INPP4B: variants seen among roughly 807,000 people sequenced by gnomAD.
The protein encoded by INPP4B is inositol polyphosphate 4-phosphatase type II.
In INPP4B, 55 loss-of-function variants were observed where a neutral mutation model predicts 122.5. The ratio of observed to expected loss-of-function variants is 0.45; its 90% CI spans 0.36 to 0.56. The LOEUF is 0.56. Among genes scored for constraint, INPP4B ranks in the 20% least tolerant of loss-of-function variants. INPP4B has a pLI of 0.00. For missense variants in INPP4B, 1,000 were observed against 1,097.7 expected (o/e 0.91, Z 1.26); for synonymous variants, 403 against 388.7 (o/e 1.04, Z -0.43).
chr4:142,734,050 G>C (rs1158914103), intron 1 of INPP4B, among the ~76,000 whole-genome samples: 1 of 152,138 alleles, frequency 6.6e-6, no homozygotes, highest in Non-Finnish European at 1.5e-5. Flanking sequence ...CAATTCATAT[G>C]GCAAAGCTCT....
chr4:142,318,861 C>T (rs534972488), intron 7 of INPP4B, among the ~76,000 whole-genome samples: 4 of 152,214 alleles, frequency 2.6e-5, no homozygotes, highest in Admixed American at 2.6e-4. Flanking sequence ...CTTCACAAAT[C>T]TTAATTGTTC....
intron 25 of INPP4B, among the ~76,000 whole-genome samples, chr4:142,044,523 G>A (rs1397190274): frequency 2.6e-5 from 4 of 152,048 alleles, no homozygotes; most frequent in African/African-American, 7.3e-5. Flanking sequence ...TAGGAACAGG[G>A]ATTAGGTTAC....
chr4:142,608,742 G>A (rs1741853550), intron 2 of INPP4B, among the ~76,000 whole-genome samples: 1 of 152,148 alleles, frequency 6.6e-6, no homozygotes, highest in Admixed American at 6.6e-5. Flanking sequence ...AATCTCAACA[G>A]AGTCTGCTGC....
At chr4:142,332,530 A>C (rs1774929316) in intron 7 of INPP4B, among the ~76,000 whole-genome samples, 1 of 152,098 alleles carries the variant, frequency 6.6e-6, no homozygotes, top group Non-Finnish European at 1.5e-5. Context: ...GTTAAAAAAA[A>C]AGTTGCTTAA....
intron 1 of INPP4B, among the ~76,000 whole-genome samples, chr4:142,830,386 T>C (rs1191952571): frequency 2.0e-4 from 31 of 152,084 alleles, no homozygotes. Context: ...GCAATTTCAT[T>C]GGAGTTGTGG....
In INPP4B at chr4:142,025,252, C is replaced by G. The variant is rs1736669336; in HGVS notation, c.*3530G>C. The G allele has an allele frequency of 6.6e-6, 1 of 152,092 alleles. No homozygotes were observed. The highest frequency in any genetic ancestry group is 2.4e-5 in the African/African-American group (1 of 41,414). 9.4% of individuals were successfully genotyped at this position (152,092 alleles called of 1,614,324 possible). A position where few individuals can be genotyped will look rare whatever the true frequency, so the allele number is the denominator to read the frequency against. On this transcript the variant is annotated 3_prime_UTR_variant, in exon 26 of 26. Transcript: ENST00000262992. ...AACACCATGTTACTGAATCTGCAGT[C>G]AGGAAGAGACCCACAGTAGCACAAT...
intron 7 of INPP4B, among the ~76,000 whole-genome samples, chr4:142,325,902 C>T (rs899961790): frequency 1.7e-4 from 26 of 151,904 alleles, no homozygotes; most frequent in Non-Finnish European, 2.8e-4. Flanking sequence ...CTTCCCTTTC[C>T]GACTATTATA....
intron 2 of INPP4B, among the ~76,000 whole-genome samples, chr4:142,555,904 T>C (rs1167825688): frequency 6.6e-6 from 1 of 151,894 alleles, no homozygotes; most frequent in East Asian, 1.9e-4. Context: ...AGCATTTCTA[T>C]GTTTCTGTCT....
chr4:142,110,691 T>A (rs944479193), intron 22 of INPP4B, among the ~76,000 whole-genome samples: 2 of 152,118 alleles, frequency 1.3e-5, no homozygotes, highest in African/African-American at 2.4e-5. Flanking sequence ...TCCAGTCTTG[T>A]GTGTCTTGTA....
chr4:142,248,339 T>TC (rs1474757806), intron 11 of INPP4B, among the ~76,000 whole-genome samples: 3 of 145,562 alleles, frequency 2.1e-5, no homozygotes, highest in Non-Finnish European at 4.5e-5. Flanking sequence ...TCTCTCTCTT[T>TC]TTTTTTTTTT....
rs1446554187 is a variant in INPP4B, at chr4:142,845,908, G to A, written c.-254+301C>T. On this transcript the variant is annotated intron_variant, in intron 1 of 25. Coordinates refer to ENST00000262992, the MANE Select transcript of INPP4B (RefSeq NM_001101669.3). ...GCCCGGAGAGTGTGCGTGTGTGAGT[G>A]AGAATGCGAAAACGCGCGCGCGCCG... 5.9e-5 allele frequency among the ~76,000 whole-genome samples: 9 copies of A among 152,236 alleles called. No individual in the cohort carries two copies. In the East Asian group the frequency reaches 1.8e-3, roughly 30 times the overall value.
intron 2 of INPP4B, among the ~76,000 whole-genome samples, chr4:142,546,890 A>G (rs968303754): frequency 1.3e-5 from 2 of 152,192 alleles, no homozygotes; most frequent in Non-Finnish European, 2.9e-5. Context: ...GAAACTACAG[A>G]TAAACATAAA....
chr4:142,499,927 C>T (rs1414993313), intron 2 of INPP4B, among the ~76,000 whole-genome samples: 1 of 152,144 alleles, frequency 6.6e-6, no homozygotes, highest in Non-Finnish European at 1.5e-5. Flanking sequence ...CTCCGTAATA[C>T]AACCGTCGCT....
intron 11 of INPP4B, among the ~76,000 whole-genome samples, chr4:142,248,923 GGTT>G (rs1730532088): frequency 2.0e-5 from 3 of 151,770 alleles, no homozygotes; most frequent in Admixed American, 2.0e-4. Context: ...AGTGCCCAGA[GGTT>G]GTTAACATAA....
chr4:142,305,862 A>G, intron 8 of INPP4B: 1 of 1,092,214 alleles, frequency 9.2e-7, no homozygotes, highest in African/African-American at 1.7e-5. Context: ...AAGATGATAT[A>G]TTTTCCATAT....
intron 7 of INPP4B, among the ~76,000 whole-genome samples, chr4:142,360,975 T>C (rs1350704856): frequency 6.6e-6 from 1 of 151,952 alleles, no homozygotes; most frequent in Non-Finnish European, 1.5e-5. Context: ...CATGTGCTAT[T>C]GTTTGCTCTT....
At chr4:142,493,184 T>C (rs1822098533) in intron 2 of INPP4B, among the ~76,000 whole-genome samples, 1 of 152,136 alleles carries the variant, frequency 6.6e-6, no homozygotes, top group Admixed American at 6.5e-5. Flanking sequence ...AGAGGGTGTA[T>C]GGAAATGCCT....
At chr4:142,578,597 C>T (rs569429221) in intron 2 of INPP4B, among the ~76,000 whole-genome samples, 1 of 151,968 alleles carries the variant, frequency 6.6e-6, no homozygotes, top group South Asian at 2.1e-4. Context: ...GTTCAAATTT[C>T]CTCTTCTTAT....
chr4:142,655,299 C>G (rs891276465), intron 2 of INPP4B, among the ~76,000 whole-genome samples: 5 of 152,138 alleles, frequency 3.3e-5, no homozygotes, highest in Non-Finnish European at 5.9e-5. Flanking sequence ...CAATTCTTGT[C>G]ATTTTATTTT....
Sources: gnomAD v4.1 joint callset for allele counts (sites outside exome capture counted in the v4.1 genomes callset) on GRCh38, gnomAD v4.1.1 for gene constraint, MANE v1.5 for transcripts, NCBI Gene and HGNC (gene_info 2026-07-23, HGNC 2026-07-21) for gene names.